Variants in CLSTN2 observed in about 807,000 individuals in gnomAD.
The protein encoded by CLSTN2 is calsyntenin 2, also known as calsyntenin-2.
Under a neutral mutation model 101.2 loss-of-function variants are expected in CLSTN2, and 48 were observed. The ratio of observed to expected loss-of-function variants is 0.47; its 90% CI spans 0.38 to 0.60. The LOEUF (loss-of-function observed/expected upper bound fraction) is 0.60, where lower values mean the gene tolerates loss of function less well. Ranked by LOEUF, CLSTN2 falls within the 20% of genes least tolerant of loss-of-function variation. CLSTN2 has a pLI of 0.00. For missense variants in CLSTN2, 1,160 were observed against 1,238.2 expected (o/e 0.94, Z 0.95); for synonymous variants, 481 against 463.6 (o/e 1.04, Z -0.48).
chr3:140,096,826 A>C (rs2008876577), intron 1 of CLSTN2, among the ~76,000 whole-genome samples: 1 of 152,208 alleles, frequency 6.6e-6, no homozygotes. Context: ...AAAAGATAAA[A>C]AGAAGGAGTT....
chr3:139,960,687 G>A (rs560268330), intron 1 of CLSTN2, among the ~76,000 whole-genome samples: 3 of 152,202 alleles, frequency 2.0e-5, no homozygotes, highest in Non-Finnish European at 4.4e-5. Context: ...GCACCATGGA[G>A]ATAGGTTCAA....
chr3:140,412,978 A>G (rs1276278326), intron 4 of CLSTN2, among the ~76,000 whole-genome samples: 1 of 152,204 alleles, frequency 6.6e-6, no homozygotes, highest in Non-Finnish European at 1.5e-5. Context: ...CTAATGTTAT[A>G]CGTCAAGGAA....
intron 1 of CLSTN2, among the ~76,000 whole-genome samples, chr3:140,086,301 C>T (rs2008679902): frequency 6.6e-6 from 1 of 152,160 alleles, no homozygotes; most frequent in South Asian, 2.1e-4. Flanking sequence ...AGTGTGCATG[C>T]TGTAGTGCAT....
intron 2 of CLSTN2, among the ~76,000 whole-genome samples, chr3:140,228,037 A>G (rs528420471): frequency 2.6e-5 from 4 of 152,322 alleles, no homozygotes; most frequent in African/African-American, 9.6e-5. Flanking sequence ...TTGGGGATTA[A>G]CATTTGTCTC....
intron 1 of CLSTN2, among the ~76,000 whole-genome samples, chr3:140,049,042 A>T (rs1292919450): frequency 6.6e-6 from 1 of 152,202 alleles, no homozygotes; most frequent in Non-Finnish European, 1.5e-5. Context: ...AGGCCCATGC[A>T]GGCAGCACTG....
At chr3:140,497,305 T>A (rs1253830689) in intron 8 of CLSTN2, among the ~76,000 whole-genome samples, 2 of 152,094 alleles carry the variant, frequency 1.3e-5, no homozygotes, top group African/African-American at 4.8e-5. Flanking sequence ...TTTATTCATA[T>A]AACCGTGGCT....
chr3:140,307,650 T>C (rs1400510390), intron 2 of CLSTN2, among the ~76,000 whole-genome samples: 1 of 152,206 alleles, frequency 6.6e-6, no homozygotes, highest in African/African-American at 2.4e-5. Flanking sequence ...TAAATGTTCA[T>C]TGACTGAATT....
chr3:140,272,352 A>G (rs1484843650), intron 2 of CLSTN2, among the ~76,000 whole-genome samples: 1 of 152,220 alleles, frequency 6.6e-6, no homozygotes, highest in Non-Finnish European at 1.5e-5. Context: ...TATGCTGTGA[A>G]TAAAGTCAGC....
chr3:140,128,639 G>A (rs2009473652), intron 1 of CLSTN2, among the ~76,000 whole-genome samples: 1 of 152,160 alleles, frequency 6.6e-6, no homozygotes, highest in Non-Finnish European at 1.5e-5. Flanking sequence ...TCCTTTTGAT[G>A]GAGAGGATCA....
intron 1 of CLSTN2, among the ~76,000 whole-genome samples, chr3:140,000,986 G>A (rs544825708): frequency 6.6e-6 from 1 of 152,234 alleles, no homozygotes; most frequent in African/African-American, 2.4e-5. Flanking sequence ...GGACTGCAAG[G>A]ATGGCTGTGA....
intron 1 of CLSTN2, among the ~76,000 whole-genome samples, chr3:140,084,930 C>T (rs1355057893): frequency 6.6e-6 from 1 of 152,224 alleles, no homozygotes; most frequent in Non-Finnish European, 1.5e-5. Context: ...TGTGTGCATA[C>T]ACATAAGCAT....
intron 1 of CLSTN2, among the ~76,000 whole-genome samples, chr3:140,123,978 G>T (rs2009388958): frequency 6.6e-6 from 1 of 151,950 alleles, no homozygotes; most frequent in Non-Finnish European, 1.5e-5. Context: ...TCACACTGGG[G>T]GTTAGGGCTT....
chr3:140,283,267 A>G (rs1453450863), intron 2 of CLSTN2, among the ~76,000 whole-genome samples: 5 of 152,138 alleles, frequency 3.3e-5, no homozygotes, highest in South Asian at 2.1e-4. Context: ...CAAATTTTCC[A>G]TAGGTATTAA....
At position 139,978,061 on chromosome 3, in the gene CLSTN2, G is replaced by T. The variant is rs1244784521; in HGVS notation, c.109+42578G>T. Among the ~76,000 whole-genome samples, 3 of 152,138 alleles carry T rather than the reference G, an allele frequency of 2.0e-5. No individual in the cohort carries two copies. In the East Asian group the frequency reaches 5.8e-4, roughly 29 times the overall value. On this transcript the variant is annotated intron_variant, in intron 1 of 16. Coordinates refer to ENST00000458420, the MANE Select transcript of CLSTN2 (RefSeq NM_022131.3). ...CTGGGGAACCCTGTGCCAAACACAA[G>T]CACCAGAGAAAGGGCTTGTGCAGAG...
chr3:139,988,156 T>C lies in CLSTN2; in HGVS notation c.109+52673T>C, dbSNP rs146376036. ...GCGGCTGGAGCTGGTGCAGCGCTTG[T>C]CCTTATAGCCTTGTGTTTCCCCTTT... On this transcript the variant is annotated intron_variant, in intron 1 of 16. Transcript: ENST00000458420. 4.8e-3 allele frequency among the ~76,000 whole-genome samples: 726 copies of C among 152,362 alleles called. 2 individuals carry two copies. Among genetic ancestry groups the C allele is most frequent in the African/African-American group, 0.016 (683 of 41,580 alleles).
At position 140,564,181 on chromosome 3, in the gene CLSTN2, G is replaced by C. The variant is rs982672396; in HGVS notation, c.2667+36G>C. ...TGCACGGCTGGGAGTTCTGGGTGGG[G>C]TGCTTCTCCCTCTACCCAGCTCAAC... On this transcript the variant is annotated intron_variant, in intron 16 of 16. Coordinates refer to ENST00000458420, the MANE Select transcript of CLSTN2 (RefSeq NM_022131.3). 3.7e-6 allele frequency: 6 copies of C among 1,601,034 alleles called. No individual in the cohort carries two copies. In the African/African-American group the frequency reaches 4.0e-5, roughly 11 times the overall value.
intron 1 of CLSTN2, among the ~76,000 whole-genome samples, chr3:139,954,808 G>A (rs62271925): frequency 2.0e-5 from 3 of 151,876 alleles, no homozygotes; most frequent in Admixed American, 6.6e-5. Context: ...AAATTACTAC[G>A]GCATTTCAGG....
chr3:140,311,681 C>CAAG (rs1208939013), intron 2 of CLSTN2, among the ~76,000 whole-genome samples: 1 of 152,028 alleles, frequency 6.6e-6, no homozygotes, highest in Non-Finnish European at 1.5e-5. Context: ...ATCATCATGA[C>CAAG]AACACCATGA....
intron 2 of CLSTN2, among the ~76,000 whole-genome samples, chr3:140,286,380 A>G (rs532522891): frequency 6.6e-6 from 1 of 152,248 alleles, no homozygotes; most frequent in East Asian, 1.9e-4. Context: ...CTTTCTGTTC[A>G]GTCCTGTGTA....
Sources: gnomAD v4.1 joint callset for allele counts (sites outside exome capture counted in the v4.1 genomes callset) on GRCh38, gnomAD v4.1.1 for gene constraint, MANE v1.5 for transcripts, NCBI Gene and HGNC (gene_info 2026-07-23, HGNC 2026-07-21) for gene names.